Variants in RBPJ observed in about 807,000 individuals in gnomAD.
RBPJ encodes the protein recombining binding protein suppressor of hairless.
In RBPJ, 9 loss-of-function variants were observed where a neutral mutation model predicts 67.8. The ratio of observed to expected loss-of-function variants is 0.13; its 90% CI spans 0.08 to 0.23. The LOEUF is 0.23. RBPJ is among the 10% of genes least tolerant of loss of function. The pLI, the probability that RBPJ is intolerant of heterozygous loss-of-function variation, is 1.00. For missense variants in RBPJ, 305 were observed against 595.6 expected (o/e 0.51, Z 5.08); for synonymous variants, 198 against 203.3 (o/e 0.97, Z 0.22).
chr4:26,109,573 C>CTATA, the RBPJ span, among the ~76,000 whole-genome samples: 1 of 58,586 alleles, frequency 1.7e-5, no homozygotes, highest in Non-Finnish European at 3.6e-5. Context: ...CTCTCTCTCT[C>CTATA]TCTCTCTATA....
chr4:26,206,239 G>A (rs1718165898), intron 1 of RBPJ, among the ~76,000 whole-genome samples: 1 of 152,156 alleles, frequency 6.6e-6, no homozygotes, highest in South Asian at 2.1e-4. Context: ...GTTTTCATTT[G>A]CCAAGATTGA....
chr4:26,415,053 A>G (rs1472122191), intron 3 of RBPJ, among the ~76,000 whole-genome samples: 4 of 152,174 alleles, frequency 2.6e-5, no homozygotes, highest in Non-Finnish European at 4.4e-5. Context: ...CAGTATCCAT[A>G]ATAGTAATGT....
rs1388104067 is a variant in RBPJ at position 26,431,896 on chromosome 4, G to T, written c.*889G>T. Reference sequence around the variant, plus strand: ...AGGTTCTAACATTCACATGCAATTTGGTGTGGCCATTTAGCTATTAATGAG... The same window carrying T: ...AGGTTCTAACATTCACATGCAATTTTGTGTGGCCATTTAGCTATTAATGAG... On this transcript the variant is annotated 3_prime_UTR_variant, in exon 11 of 11. Coordinates refer to ENST00000355476, the MANE Select transcript of RBPJ (RefSeq NM_015874.6). The T allele has an allele frequency of 2.6e-5, 4 of 151,990 alleles. No homozygotes were observed. Among genetic ancestry groups the T allele is most frequent in the Admixed American group, 6.6e-5 (1 of 15,252 alleles). The allele number at this position is 151,990 out of a possible 1,614,324, so 9.4% of individuals were successfully genotyped here.
intron 1 of RBPJ, among the ~76,000 whole-genome samples, chr4:26,297,008 T>C (rs1286089808): frequency 6.6e-6 from 1 of 152,194 alleles, no homozygotes; most frequent in Non-Finnish European, 1.5e-5. Flanking sequence ...TGTAAATCAC[T>C]TGTGGACTGG....
At chr4:26,343,579 G>A (rs115065973) in intron 1 of RBPJ, among the ~76,000 whole-genome samples, 3,588 of 150,810 alleles carry the variant, frequency 0.024, 121 homozygotes, top group African/African-American at 0.071. Flanking sequence ...ATAGAATCTC[G>A]CGCTGTTGCC....
At chr4:26,429,300 C>T (rs994226416) in intron 8 of RBPJ, among the ~76,000 whole-genome samples, 1 of 152,186 alleles carries the variant, frequency 6.6e-6, no homozygotes, top group Non-Finnish European at 1.5e-5. Flanking sequence ...TAATGTTTTA[C>T]ATTTACTCAG....
intron 1 of RBPJ, among the ~76,000 whole-genome samples, chr4:26,245,191 A>C (rs1024032502): frequency 2.0e-5 from 3 of 149,606 alleles, no homozygotes; most frequent in Non-Finnish European, 4.4e-5. Context: ...AGTCCCTGGC[A>C]ATCACTATTG....
chr4:26,113,153 A>C, the RBPJ span: 5 of 225,926 alleles, frequency 2.2e-5, no homozygotes, highest in Non-Finnish European at 4.6e-5. Flanking sequence ...AAGATTCCCC[A>C]TGAATATAAA....
upstream of RBPJ, chr4:26,320,829 G>T (rs1211111977): frequency 6.4e-7 from 1 of 1,561,416 alleles, no homozygotes; most frequent in Non-Finnish European, 8.7e-7. Context: ...GGTTTCCAGG[G>T]AAGGCAGCGA....
chr4:26,428,429 A>G (rs759079683), intron 7 of RBPJ, among the ~76,000 whole-genome samples: 3 of 151,944 alleles, frequency 2.0e-5, no homozygotes, highest in African/African-American at 4.8e-5. Flanking sequence ...GTGCACATTA[A>G]TGTTTGAAAA....
the RBPJ span, among the ~76,000 whole-genome samples, chr4:26,129,464 T>C: frequency 6.6e-6 from 1 of 152,228 alleles, no homozygotes; most frequent in Non-Finnish European, 1.5e-5. Context: ...TGGAAAGAGC[T>C]CTGAGCTGCA....
intron 2 of RBPJ, among the ~76,000 whole-genome samples, chr4:26,387,717 A>C (rs777323367): frequency 2.6e-5 from 4 of 152,206 alleles, no homozygotes; most frequent in Non-Finnish European, 4.4e-5. Context: ...GTGTGTAAGA[A>C]AACTACTCCG....
At chr4:26,124,547 T>A in the RBPJ span, among the ~76,000 whole-genome samples, 3 of 150,078 alleles carry the variant, frequency 2.0e-5, no homozygotes, top group Non-Finnish European at 4.4e-5. Context: ...GCTATAAACA[T>A]GAGTGTGCAA....
At chr4:26,147,568 TTCAG>T in the RBPJ span, among the ~76,000 whole-genome samples, 1 of 152,200 alleles carries the variant, frequency 6.6e-6, no homozygotes, top group African/African-American at 2.4e-5. Context: ...AGGTTCAAAT[TTCAG>T]AGAGTGAAAC....
chr4:26,268,858 C>T (rs1720790066), intron 1 of RBPJ, among the ~76,000 whole-genome samples: 1 of 152,150 alleles, frequency 6.6e-6, no homozygotes, highest in Non-Finnish European at 1.5e-5. Context: ...AAACAAAAAT[C>T]TAAATTTAGA....
At chr4:26,185,440 G>A (rs115838997) in intron 1 of RBPJ, among the ~76,000 whole-genome samples, 14 of 152,316 alleles carry the variant, frequency 9.2e-5, no homozygotes, top group East Asian at 3.9e-4. Context: ...AAAGGAAATC[G>A]TAAGAGCATT....
upstream of RBPJ, among the ~76,000 whole-genome samples, chr4:26,161,442 G>A (rs1251922644): frequency 6.6e-6 from 1 of 152,230 alleles, no homozygotes; most frequent in Non-Finnish European, 1.5e-5. Context: ...GCCCCTGAAA[G>A]ACTAGGGCAC....
At chr4:26,339,593 C>T (rs1429930150) in intron 1 of RBPJ, among the ~76,000 whole-genome samples, 1 of 152,154 alleles carries the variant, frequency 6.6e-6, no homozygotes, top group Non-Finnish European at 1.5e-5. Flanking sequence ...GAGATCGTGC[C>T]ACTGCCCTCC....
chr4:26,172,287 G>GA (rs1716620887), intron 1 of RBPJ, among the ~76,000 whole-genome samples: 2 of 151,828 alleles, frequency 1.3e-5, no homozygotes, highest in South Asian at 2.1e-4. Context: ...TGGGCTGTGT[G>GA]AAAAAAATTA....
Sources: allele counts gnomAD v4.1 joint callset (sites outside exome capture counted in the v4.1 genomes callset), GRCh38; gene constraint gnomAD v4.1.1; transcripts MANE v1.5; gene names NCBI Gene and HGNC (gene_info 2026-07-23, HGNC 2026-07-21).